Variants in PCDHGA8 observed in about 807,000 individuals in gnomAD.
PCDHGA8 encodes protocadherin gamma subfamily A, 8.
PCDHGA8 carries 45 observed loss-of-function variants against 59.2 expected under a neutral mutation model. The ratio of observed to expected loss-of-function variants is 0.76; its 90% CI spans 0.60 to 0.98. PCDHGA8 has a LOEUF of 0.98. PCDHGA8 is among the 50% of genes least tolerant of loss of function. The probability of loss-of-function intolerance (pLI) is 0.00; values close to 1 mark genes in which losing one functional copy is unlikely to be tolerated. For missense variants in PCDHGA8, 1,257 were observed against 1,196.2 expected (o/e 1.05, Z -0.75); for synonymous variants, 531 against 519.0 (o/e 1.02, Z -0.32).
intron 1 of PCDHGA8, chr5:141,423,381 G>T (rs2154550114): frequency 6.2e-7 from 1 of 1,614,204 alleles, no homozygotes; most frequent in East Asian, 2.2e-5. Flanking sequence ...TCAGGCTGTG[G>T]CGCTGGCATA....
At chr5:141,428,600 C>T (rs2097150405) in intron 1 of PCDHGA8, 1 of 223,920 alleles carries the variant, frequency 4.5e-6, no homozygotes, top group African/African-American at 2.3e-5. Flanking sequence ...GCAAGCTTCA[C>T]TGAAGAGAAT....
rs748873655 is a variant in PCDHGA8 at position 141,410,002 on chromosome 5, C to A, written c.2424+14765C>A. The A allele has an allele frequency of 1.1e-5, 18 of 1,613,250 alleles. No individual in the cohort carries two copies. Among genetic ancestry groups the A allele is most frequent in the Middle Eastern group, 1.7e-4 (1 of 6,056 alleles). On this transcript the variant is annotated intron_variant, in intron 1 of 3. Coordinates refer to ENST00000398604, the MANE Select transcript of PCDHGA8 (RefSeq NM_032088.2). ...TAGCGGTGGACGCCGACTCGGGACA[C>A]AACGCCTGGCTGTCCTACCACGTGC...
chr5:141,398,890 G>A (rs763743728), intron 1 of PCDHGA8: 1 of 1,613,920 alleles, frequency 6.2e-7, no homozygotes, highest in East Asian at 2.2e-5. Context: ...TCGGGAAAAC[G>A]TGCCACCAGG....
chr5:141,495,892 TTGTCTC>T (rs1035324353), intron 2 of PCDHGA8, among the ~76,000 whole-genome samples: 1 of 152,198 alleles, frequency 6.6e-6, no homozygotes, highest in Admixed American at 6.5e-5. Flanking sequence ...TTGTCTCTCT[TTGTCTC>T]TGTCTCTGTA....
At chr5:141,454,047 T>C (rs896373946) in intron 1 of PCDHGA8, among the ~76,000 whole-genome samples, 6 of 152,122 alleles carry the variant, frequency 3.9e-5, no homozygotes, top group African/African-American at 7.2e-5. Flanking sequence ...AAGATAAAAG[T>C]GCAGCAAAGA....
intron 1 of PCDHGA8, chr5:141,414,822 C>A: frequency 6.2e-7 from 1 of 1,614,240 alleles, no homozygotes; most frequent in Non-Finnish European, 8.5e-7. Context: ...TCAGCAGCAA[C>A]GTGTCGTTGA....
Position 141,485,060 on chromosome 5 carries a change from G to T in PCDHGA8, c.2425-9747G>T. The T allele has an allele frequency of 1.2e-6, 1 of 862,304 alleles. No individual in the cohort carries two copies. 53.4% of individuals were successfully genotyped at this position (862,304 alleles called of 1,614,324 possible). ...ACCCTTGCGGCGCCGGCCGAACCGC[G>T]CCAGAGCTGGCGCGGGGAAAGGGAG... On this transcript the variant is annotated intron_variant, in intron 1 of 3. Coordinates refer to ENST00000398604, the MANE Select transcript of PCDHGA8 (RefSeq NM_032088.2). The surrounding 1 kb of genome is among the most constrained non-coding windows in gnomAD (Gnocchi z 5.7).
chr5:141,431,265 G>A lies in PCDHGA8; in HGVS notation c.2424+36028G>A. 2 of 1,614,168 alleles carry A rather than the reference G, an allele frequency of 1.2e-6. No homozygotes were observed. On this transcript the variant is annotated intron_variant, in intron 1 of 3. Transcript: ENST00000398604. This position sits in a 1 kb window ranked among gnomAD's most constrained non-coding sequence, Gnocchi z 4.8. ...GATATCGGGAAGAACTCTCTGCAGA[G>A]CTACGAGCTCAGCCCGAACACTCAC...
At position 141,431,134 on chromosome 5, in the gene PCDHGA8, C is replaced by T; in HGVS notation, c.2424+35897C>T. 1 of 1,614,212 alleles carries T rather than the reference C, an allele frequency of 6.2e-7. No homozygotes were observed. The highest frequency in any genetic ancestry group is 2.2e-5 in the East Asian group (1 of 44,890). On this transcript the variant is annotated intron_variant, in intron 1 of 3. Coordinates refer to ENST00000398604, the MANE Select transcript of PCDHGA8 (RefSeq NM_032088.2). This position sits in a 1 kb window ranked among gnomAD's most constrained non-coding sequence, Gnocchi z 4.8. ...ATGGAGTAGAAGTAGAAGTAAGGGA[C>T]ATTAACGACAATGCGCCTTACTTTC...
rs2099410057 is a variant in PCDHGA8, at chr5:141,477,370, G to C, written c.2425-17437G>C. The C allele has an allele frequency of 6.2e-7, 1 of 1,614,054 alleles. No homozygotes were observed. On this transcript the variant is annotated intron_variant, in intron 1 of 3. Coordinates refer to ENST00000398604, the MANE Select transcript of PCDHGA8 (RefSeq NM_032088.2). This position sits in a 1 kb window ranked among gnomAD's most constrained non-coding sequence, Gnocchi z 4.9. The stretch of plus-strand genomic sequence containing the variant: ...AAACCAGTGCAGACCTGGATCGGGA[G>C]ACTGTGCCAGAATACAACCTCAGCA...
intron 1 of PCDHGA8, 129 bp from the exon 2 acceptor site, chr5:141,494,678 G>T: frequency 1.3e-6 from 2 of 1,554,384 alleles, no homozygotes; most frequent in East Asian, 4.7e-5. Flanking sequence ...GTCCACCCCT[G>T]CCCCCTCTTA....
At chr5:141,458,989 T>C (rs1341538997) in intron 1 of PCDHGA8, among the ~76,000 whole-genome samples, 1 of 152,134 alleles carries the variant, frequency 6.6e-6, no homozygotes, top group Non-Finnish European at 1.5e-5. Flanking sequence ...TGCCTCACCC[T>C]CCCAAAGTGC....
intron 1 of PCDHGA8, chr5:141,410,801 A>G (rs2095424401): frequency 3.4e-6 from 2 of 587,942 alleles, no homozygotes; most frequent in Admixed American, 4.2e-5. Context: ...AAGTTGCTCT[A>G]TCTTTTTGTA....
At position 141,418,023 on chromosome 5, in the gene PCDHGA8, G is replaced by A. The variant is rs375588252; in HGVS notation, c.2424+22786G>A. 244 of 1,613,996 alleles carry A rather than the reference G, an allele frequency of 1.5e-4. No individual in the cohort carries two copies. The Middle Eastern group carries it at 3.5e-3, about 23-fold the overall frequency. On this transcript the variant is annotated intron_variant, in intron 1 of 3. Coordinates refer to ENST00000398604, the MANE Select transcript of PCDHGA8 (RefSeq NM_032088.2). ...GTGGGGAACCTCGCTAAGGATCTAGGGCTTAGTGTCCTGGATGTGTCGGCT... is the reference window on the plus strand; with the variant it reads ...GTGGGGAACCTCGCTAAGGATCTAGAGCTTAGTGTCCTGGATGTGTCGGCT...
At chr5:141,404,642 T>C in intron 1 of PCDHGA8, 20 of 1,614,190 alleles carry the variant, frequency 1.2e-5, no homozygotes, top group Non-Finnish European at 1.7e-5. Flanking sequence ...AGAAATCCTG[T>C]ACCCTGCCCT....
rs778953049 is a variant in PCDHGA8 at position 141,395,088 on chromosome 5, C to T, written c.2275C>T (p.Leu759Phe). The part of the protein sequence containing the change: ...FLQTYSQEVS[L>F]TADSRKSHLI... ...GCAGACCTATTCCCAGGAAGTCTCC[C>T]TCACCGCCGACTCGCGGAAGAGTCA... The change falls in exon 1 of 4, where the codon CTC becomes TTC. Residue 759 changes from leucine to phenylalanine, a missense_variant. Physicochemically the swap from Leu to Phe is conservative, Grantham distance 22 (BLOSUM62 0). Coordinates refer to ENST00000398604, the MANE Select transcript of PCDHGA8 (RefSeq NM_032088.2). 4.3e-6 allele frequency: 7 copies of T among 1,614,194 alleles called. No homozygotes were observed. Among genetic ancestry groups the T allele is most frequent in the African/African-American group, 1.3e-5 (1 of 75,042 alleles).
At position 141,491,682 on chromosome 5, in the gene PCDHGA8, G is replaced by A. The variant is rs11952292; in HGVS notation, c.2425-3125G>A. The A allele has an allele frequency of 1.9e-6, 3 of 1,613,150 alleles. No individual in the cohort carries two copies. Among genetic ancestry groups the A allele is most frequent in the South Asian group, 1.1e-5 (1 of 91,046 alleles). On this transcript the variant is annotated intron_variant, in intron 1 of 3. Coordinates refer to ENST00000398604, the MANE Select transcript of PCDHGA8 (RefSeq NM_032088.2). The surrounding 1 kb of genome is among the most constrained non-coding windows in gnomAD (Gnocchi z 6.9). Reference sequence around the variant, plus strand: ...ACGCCATCCGGTCCCGCTCTAATACGCTGCGGGAGCGGAGCCAGGTGAGGG... The same window carrying A: ...ACGCCATCCGGTCCCGCTCTAATACACTGCGGGAGCGGAGCCAGGTGAGGG...
intron 1 of PCDHGA8, chr5:141,441,910 G>A: frequency 2.9e-6 from 1 of 349,440 alleles, no homozygotes; most frequent in Non-Finnish European, 5.5e-6. Flanking sequence ...AGACGCAGAT[G>A]TGAGACACAA....
chr5:141,451,301 G>T (rs963686418), intron 1 of PCDHGA8, among the ~76,000 whole-genome samples: 3 of 152,196 alleles, frequency 2.0e-5, no homozygotes, highest in Non-Finnish European at 4.4e-5. Flanking sequence ...AGTCTTACAA[G>T]GCAGCAATTA....
Sources: gnomAD v4.1 joint callset for allele counts (sites outside exome capture counted in the v4.1 genomes callset) on GRCh38, gnomAD v4.1.1 for gene constraint, Gnocchi (gnomAD v3.1) non-coding constraint, MANE v1.5 for transcripts, NCBI Gene and HGNC (gene_info 2026-07-23, HGNC 2026-07-21) for gene names.